Variants in DNMT3L observed in about 807,000 individuals in gnomAD.
DNMT3L encodes the protein DNA methyltransferase 3 like.
In DNMT3L, 33 loss-of-function variants were observed where a neutral mutation model predicts 36.2. The observed-to-expected ratio is 0.91, with a 90% CI of 0.69 to 1.22. The LOEUF (loss-of-function observed/expected upper bound fraction) is 1.22. DNMT3L is among the 50% of genes most tolerant of loss of function. The pLI, the probability that DNMT3L is intolerant of heterozygous loss-of-function variation, is 0.00. For missense variants in DNMT3L, 310 were observed against 303.1 expected, an observed-to-expected ratio of 1.02 and a Z score of -0.17; for synonymous variants, 117 against 121.7, an observed-to-expected ratio of 0.96 and a Z score of 0.26.
At chr21:44,260,893 T>G in intron 2 of DNMT3L, 54 bp from the exon 3 acceptor site, 2 of 1,612,044 alleles carry the variant, frequency 1.2e-6, no homozygotes, top group South Asian at 2.2e-5. Flanking sequence ...TCTCTTAATT[T>G]AAATTCGGCC....
intron 8 of DNMT3L, among the ~76,000 whole-genome samples, chr21:44,254,063 C>T (rs2040239006): frequency 6.6e-6 from 1 of 152,234 alleles, no homozygotes; most frequent in African/African-American, 2.4e-5. Context: ...GCTGCTCATG[C>T]TTCTCTCACA....
chr21:44,253,622 G>A (rs1400048622), intron 8 of DNMT3L, among the ~76,000 whole-genome samples: 2 of 152,184 alleles, frequency 1.3e-5, no homozygotes, highest in South Asian at 2.1e-4. Flanking sequence ...GGGAGGCTGA[G>A]GCAGGAGACT....
At chr21:44,261,414 AC>A (rs2040318243) in intron 1 of DNMT3L, 148 bp from the exon 2 acceptor site, 3 of 695,106 alleles carry the variant, frequency 4.3e-6, no homozygotes, top group Admixed American at 2.4e-5. Context: ...CACCTGCCCA[AC>A]CCAGGGATGA....
In DNMT3L at chr21:44,258,511, C is replaced by T. The variant is rs763989276; in HGVS notation, c.516+12G>A. 3.1e-5 allele frequency: 48 copies of T among 1,543,288 alleles called. No homozygotes were observed. The highest frequency in any genetic ancestry group is 7.3e-5 in the East Asian group (3 of 41,234). ...GCTGCTGCCGGGTGCTGCCCCTCCA[C>T]GGGCTCCTTACCGACTCTCGGTCGT... On this transcript the variant is annotated intron_variant, in intron 6 of 11. Transcript: ENST00000628202. The surrounding 1 kb of genome is among the most constrained non-coding windows in gnomAD (Gnocchi z 6.2).
chr21:44,257,680 C>CAAAAAAA (rs60313825), intron 6 of DNMT3L, among the ~76,000 whole-genome samples: 26 of 120,402 alleles, frequency 2.2e-4, no homozygotes, highest in Non-Finnish European at 3.5e-4. Flanking sequence ...GACTCCGTCT[C>CAAAAAAA]AAAAAAAAAA....
At chr21:44,260,924 C>G (rs765230620) in intron 2 of DNMT3L, 85 bp from the exon 3 acceptor site, 1 of 1,602,780 alleles carries the variant, frequency 6.2e-7, no homozygotes, top group African/African-American at 1.3e-5. Flanking sequence ...CATCACAATT[C>G]GTTTTCCAAA....
chr21:44,254,308 G>T (rs2040240507), intron 8 of DNMT3L, among the ~76,000 whole-genome samples: 1 of 152,216 alleles, frequency 6.6e-6, no homozygotes, highest in South Asian at 2.1e-4. Flanking sequence ...CAAGATGTTG[G>T]ACAAGATGTT....
Position 44,254,730 on chromosome 21 carries a change from C to T in DNMT3L, c.605-25G>A, listed in dbSNP as rs376651561. 10 of 1,612,742 alleles carry T rather than the reference C, an allele frequency of 6.2e-6. No homozygotes were observed. The African/African-American group carries it at 1.3e-4, about 22-fold the overall frequency. ...TCTGGATGGGGAGAGACCAGAAGGG[C>T]CCAGAGGGTGAGCGTGGATTGTGCC... On this transcript the variant is annotated intron_variant, in intron 7 of 11. Transcript: ENST00000628202.
chr21:44,255,729 C>T (rs931039050), intron 7 of DNMT3L, among the ~76,000 whole-genome samples: 16 of 152,308 alleles, frequency 1.1e-4, no homozygotes, highest in African/African-American at 3.4e-4. Context: ...GGATCAGGCT[C>T]CTGATCGGCT....
intron 7 of DNMT3L, among the ~76,000 whole-genome samples, chr21:44,255,059 C>A (rs56004138): frequency 0.26 from 39,820 of 151,722 alleles, 5,384 homozygotes; most frequent in Admixed American, 0.36. Flanking sequence ...AACTCCTGAC[C>A]TCAAATGTTC....
intron 6 of DNMT3L, among the ~76,000 whole-genome samples, chr21:44,257,642 C>G (rs1279367281): frequency 6.9e-6 from 1 of 145,626 alleles, no homozygotes; most frequent in East Asian, 2.0e-4. Flanking sequence ...GATCCCGCCA[C>G]TGCACTCCAG....
Position 44,258,767 on chromosome 21 carries a change from G to C in DNMT3L, c.345-73C>G. 2 of 1,540,774 alleles carry C rather than the reference G, an allele frequency of 1.3e-6. No individual in the cohort carries two copies. Among genetic ancestry groups the C allele is most frequent in the Admixed American group, 3.9e-5 (2 of 50,904 alleles). ...TCCTGAGGATGGCAGAGGTGGGCCT[G>C]ATTGAGCCTTGTTTTGGAGGGAAAA... On this transcript the variant is annotated intron_variant, in intron 5 of 11. Coordinates refer to ENST00000628202, the MANE Select transcript of DNMT3L (RefSeq NM_175867.3). This position sits in a 1 kb window ranked among gnomAD's most constrained non-coding sequence, Gnocchi z 6.2.
chr21:44,259,731 C>T lies in DNMT3L; in HGVS notation c.152-20G>A. On this transcript the variant is annotated intron_variant, in intron 3 of 11. Transcript: ENST00000628202. ...AGATGTCTAAAGGAAACATTCAAAG[C>T]ACACTGTGTTTTCCCAGTGCTGTCA... The T allele has an allele frequency of 6.3e-7, 1 of 1,599,542 alleles. No individual in the cohort carries two copies. Among genetic ancestry groups the T allele is most frequent in the African/African-American group, 1.3e-5 (1 of 74,760 alleles).
chr21:44,259,613 C>T lies in DNMT3L; in HGVS notation c.231+19G>A. The T allele has an allele frequency of 1.9e-6, 3 of 1,613,264 alleles. No homozygotes were observed. The highest frequency in any genetic ancestry group is 1.7e-6 in the Non-Finnish European group (2 of 1,179,860). On this transcript the variant is annotated intron_variant, in intron 4 of 11. Transcript: ENST00000628202. ...TGCTCTGAGGCCATGAGGGAGTCAC[C>T]CCCAGCCTCCCTGCCTACCTTACAT...
At position 44,258,468 on chromosome 21, in the gene DNMT3L, G is replaced by A. The variant is rs2040282950; in HGVS notation, c.516+55C>T. 4.7e-6 allele frequency: 7 copies of A among 1,487,748 alleles called. No homozygotes were observed. Among genetic ancestry groups the A allele is most frequent in the African/African-American group, 2.8e-5 (2 of 71,462 alleles). 92.2% of individuals were successfully genotyped at this position (1,487,748 alleles called of 1,614,324 possible). A position where few individuals can be genotyped will look rare whatever the true frequency, so the allele number is the denominator to read the frequency against. ...CATTCTGCAGCGGGAACCGAGGGAAGGCCGTAAGTCAGGGCCTGCTGCTGC... is the reference window on the plus strand; with the variant it reads ...CATTCTGCAGCGGGAACCGAGGGAAAGCCGTAAGTCAGGGCCTGCTGCTGC... On this transcript the variant is annotated intron_variant, in intron 6 of 11. Transcript: ENST00000628202. This position sits in a 1 kb window ranked among gnomAD's most constrained non-coding sequence, Gnocchi z 6.2.
intron 6 of DNMT3L, among the ~76,000 whole-genome samples, chr21:44,256,583 C>T (rs1296579391): frequency 6.7e-6 from 1 of 149,918 alleles, no homozygotes; most frequent in Admixed American, 6.6e-5. Context: ...CGCCACCACG[C>T]CCGGCTAATT....
rs571611181 is a variant in DNMT3L, at chr21:44,259,519, C to A, written c.262G>T (p.Asp88Tyr). The change falls in exon 5 of 12, where the codon GAC becomes TAC. Residue 88 changes from aspartate to tyrosine, a missense_variant. Asp to Tyr is a radical substitution (Grantham distance 160). Transcript: ENST00000628202. ...DKFLDALFLY[D>Y]DDGYQSYCSI... ...CAGTAGGATTGGTACCCGTCATCGT[C>A]GTACAGGAAGAGGGCATCCAGGAAC... The A allele has an allele frequency of 7.4e-6, 12 of 1,613,596 alleles. No homozygotes were observed. The highest frequency in any genetic ancestry group is 9.3e-6 in the Non-Finnish European group (11 of 1,180,024).
intron 6 of DNMT3L, among the ~76,000 whole-genome samples, chr21:44,257,244 C>T (rs527669923): frequency 1.3e-5 from 2 of 151,966 alleles, no homozygotes; most frequent in Non-Finnish European, 2.9e-5. Flanking sequence ...CCGGGTGTGG[C>T]GGTCGGTGCC....
At chr21:44,254,000 G>A (rs555292973) in intron 8 of DNMT3L, among the ~76,000 whole-genome samples, 1 of 152,184 alleles carries the variant, frequency 6.6e-6, no homozygotes, top group Admixed American at 6.5e-5. Flanking sequence ...GCGGAGGTGA[G>A]GGGGGGCTGC....
Sources: gnomAD v4.1 joint callset for allele counts (sites outside exome capture counted in the v4.1 genomes callset) on GRCh38, gnomAD v4.1.1 for gene constraint, Gnocchi (gnomAD v3.1) non-coding constraint, MANE v1.5 for transcripts, NCBI Gene and HGNC (gene_info 2026-07-23, HGNC 2026-07-21) for gene names.